The following ST8SIA2 variants were observed in gnomAD, a reference collection of about 807,000 sequenced individuals.
ST8SIA2 encodes the protein ST8 alpha-N-acetyl-neuraminide alpha-2,8-sialyltransferase 2.
Under a neutral mutation model 37.6 loss-of-function variants are expected in ST8SIA2, and 22 were observed. The observed-to-expected ratio is 0.58, with a 90% CI of 0.42 to 0.83. ST8SIA2 has a LOEUF of 0.83. Ranked by LOEUF, ST8SIA2 falls within the 40% of genes least tolerant of loss-of-function variation. ST8SIA2 has a pLI of 0.00. For missense variants in ST8SIA2, 382 were observed against 484.7 expected, an observed-to-expected ratio of 0.79 and a Z score of 1.99; for synonymous variants, 205 against 201.2, an observed-to-expected ratio of 1.02 and a Z score of -0.16.
At chr15:92,427,487 A>C (rs1008354335) in intron 1 of ST8SIA2, among the ~76,000 whole-genome samples, 7 of 152,172 alleles carry the variant, frequency 4.6e-5, no homozygotes, top group African/African-American at 1.7e-4. Flanking sequence ...GGGTTTGTTG[A>C]GGTTTGCTTT....
At chr15:92,454,938 G>A (rs550689372) in intron 5 of ST8SIA2, among the ~76,000 whole-genome samples, 1 of 152,214 alleles carries the variant, frequency 6.6e-6, no homozygotes, top group African/African-American at 2.4e-5. Context: ...AAGCAGCCCT[G>A]GGTGCAGACA....
rs113169860 is a variant in ST8SIA2, at chr15:92,442,340, C to A, written c.549-2296C>A. ...GCCTGCCTGCAAGGAGCTCACAGCC[C>A]CTGTTCCCATTACCCACAGCATCTT... On this transcript the variant is annotated intron_variant, in intron 4 of 5. Coordinates refer to ENST00000268164, the MANE Select transcript of ST8SIA2 (RefSeq NM_006011.4). Among the ~76,000 whole-genome samples the A allele has an allele frequency of 9.0e-3, 1,367 of 152,316 alleles. 22 individuals carry two copies. Among genetic ancestry groups the A allele is most frequent in the African/African-American group, 0.031 (1,297 of 41,570 alleles).
chr15:92,412,410 T>C (rs2049556342), intron 1 of ST8SIA2, among the ~76,000 whole-genome samples: 1 of 151,502 alleles, frequency 6.6e-6, no homozygotes, highest in Non-Finnish European at 1.5e-5. Context: ...CCTGGAAACA[T>C]GGTAAATTTT....
chr15:92,414,021 G>C (rs1234936778), intron 1 of ST8SIA2, among the ~76,000 whole-genome samples: 1 of 152,174 alleles, frequency 6.6e-6, no homozygotes, highest in Admixed American at 6.5e-5. Context: ...CTGATACTCA[G>C]GGCAATGGGA....
At chr15:92,463,769 G>C (rs2049972513) in intron 5 of ST8SIA2, among the ~76,000 whole-genome samples, 1 of 152,240 alleles carries the variant, frequency 6.6e-6, no homozygotes, top group African/African-American at 2.4e-5. Context: ...ACGGGCCTGA[G>C]TTCAAGTCAA....
chr15:92,454,319 CCT>C lies in ST8SIA2; in HGVS notation c.842+9393_842+9394del, dbSNP rs527800162. Among the ~76,000 whole-genome samples, 233 of 152,186 alleles carry C rather than the reference CCT, an allele frequency of 1.5e-3. 1 individual carries two copies. The highest frequency in any genetic ancestry group is 2.0e-3 in the Non-Finnish European group (133 of 68,012). On this transcript the variant is annotated intron_variant, in intron 5 of 5. Transcript: ENST00000268164. Reference sequence around the variant, plus strand: ...CCTGTATGCCTGTTTCCAAATCCCCCCTCTTTGCAAGGACATCAGTCATATTG... The same window carrying C: ...CCTGTATGCCTGTTTCCAAATCCCCCCTTTGCAAGGACATCAGTCATATTG...
chr15:92,409,154 A>T (rs1374825679), intron 1 of ST8SIA2, among the ~76,000 whole-genome samples: 1 of 152,196 alleles, frequency 6.6e-6, no homozygotes, highest in African/African-American at 2.4e-5. Context: ...AAGCCAAAGG[A>T]CTGGAGGGAT....
chr15:92,396,579 C>T (rs144340027), intron 1 of ST8SIA2, among the ~76,000 whole-genome samples: 135 of 151,980 alleles, frequency 8.9e-4, no homozygotes, highest in Admixed American at 2.7e-3. Flanking sequence ...CTGCAACCTC[C>T]GCCTCCCGGG....
chr15:92,438,869 A>G (rs2049780238), intron 4 of ST8SIA2, among the ~76,000 whole-genome samples: 1 of 152,194 alleles, frequency 6.6e-6, no homozygotes, highest in African/African-American at 2.4e-5. Flanking sequence ...AGCCCAGGTC[A>G]TTCTGATTTA....
At chr15:92,446,682 A>T (rs1478323360) in intron 5 of ST8SIA2, among the ~76,000 whole-genome samples, 1 of 152,232 alleles carries the variant, frequency 6.6e-6, no homozygotes, top group Non-Finnish European at 1.5e-5. Context: ...ATACTTTTAA[A>T]TGGTGCTATC....
intron 1 of ST8SIA2, 53 bp downstream of exon 1, chr15:92,394,215 CCTT>C: frequency 7.0e-7 from 1 of 1,429,916 alleles, no homozygotes; most frequent in Non-Finnish European, 9.6e-7. Flanking sequence ...ATCTCTCCCT[CCTT>C]CTGTACTCTC....
chr15:92,444,286 G>A (rs2049824495), intron 4 of ST8SIA2, among the ~76,000 whole-genome samples: 1 of 152,142 alleles, frequency 6.6e-6, no homozygotes, highest in Admixed American at 6.5e-5. Flanking sequence ...CCCTCACTCT[G>A]TCACCTAATG....
At position 92,445,138 on chromosome 15, in the gene ST8SIA2, ACCAATGGGTAGTGCCTGCCTAGGGAAC is replaced by A; in HGVS notation, c.842+210_842+236del. 5.8e-6 allele frequency: 4 copies of A among 690,696 alleles called. No homozygotes were observed. The South Asian group carries it at 7.1e-5, about 12-fold the overall frequency. 42.8% of individuals were successfully genotyped at this position (690,696 alleles called of 1,614,324 possible). On this transcript the variant is annotated intron_variant, in intron 5 of 5. Coordinates refer to ENST00000268164, the MANE Select transcript of ST8SIA2 (RefSeq NM_006011.4). ...GGTTTCATCTGGCATGCCAATTTTGACCAATGGGTAGTGCCTGCCTAGGGAACTGAGTTGAGAATGATCTTGGGGGTG... is the reference window on the plus strand; with the variant it reads ...GGTTTCATCTGGCATGCCAATTTTGATGAGTTGAGAATGATCTTGGGGGTG...
chr15:92,452,938 G>A lies in ST8SIA2; in HGVS notation c.842+8009G>A, dbSNP rs3784728. Among the ~76,000 whole-genome samples the A allele has an allele frequency of 9.7e-3, 1,469 of 152,182 alleles. 16 individuals are homozygous for A. The highest frequency in any genetic ancestry group is 0.045 in the East Asian group (231 of 5,170). ...GGGAAAATTCAACCCGTAACAGCTG[G>A]GTTAGATGGCCTCCCTTCCCACGCT... On this transcript the variant is annotated intron_variant, in intron 5 of 5. Coordinates refer to ENST00000268164, the MANE Select transcript of ST8SIA2 (RefSeq NM_006011.4).
intron 1 of ST8SIA2, among the ~76,000 whole-genome samples, chr15:92,423,748 C>T (rs1596237083): frequency 6.6e-6 from 1 of 152,254 alleles, no homozygotes; most frequent in East Asian, 1.9e-4. Flanking sequence ...TGCCATTAGG[C>T]CCCACCTCCT....
At position 92,464,371 on chromosome 15, in the gene ST8SIA2, G is replaced by A. The variant is rs533314466; in HGVS notation, c.1114G>A (p.Asp372Asn). The A allele has an allele frequency of 1.1e-4, 180 of 1,613,748 alleles. 1 individual carries two copies. The South Asian group carries it at 1.7e-3, about 15-fold the overall frequency. ...GALKLTVGQC[D>N]GAT is the part of the protein sequence containing the mutation. ...TTTGAAACTGACTGTCGGCCAGTGC[G>A]ATGGGGCCACGTAGGGTGGGCACCC... is the stretch of plus-strand genomic sequence containing the variant. Residue 372 changes from aspartate to asparagine, a missense_variant, in exon 6 of 6, where the codon GAT becomes AAT. Physicochemically the swap from Asp to Asn is conservative, Grantham distance 23 (BLOSUM62 1). Transcript: ENST00000268164.
At chr15:92,404,515 T>C (rs745378902) in intron 1 of ST8SIA2, among the ~76,000 whole-genome samples, 8 of 151,996 alleles carry the variant, frequency 5.3e-5, no homozygotes, top group Non-Finnish European at 8.8e-5. Flanking sequence ...CTTCTGGGTG[T>C]ATATTCAAAA....
At chr15:92,430,176 T>C in intron 2 of ST8SIA2, 65 bp downstream of exon 2, 1 of 1,493,050 alleles carries the variant, frequency 6.7e-7, no homozygotes, top group East Asian at 2.3e-5. Flanking sequence ...CTGCTTCTCT[T>C]CTTTGCTGGA....
chr15:92,438,294 G>T (rs765944331), intron 3 of ST8SIA2, 59 bp from the exon 4 acceptor site: 38 of 1,614,032 alleles, frequency 2.4e-5, no homozygotes, highest in Middle Eastern at 1.6e-4. Flanking sequence ...GAAAAGCTGG[G>T]CTGGCAAAGG....
Sources: allele counts gnomAD v4.1 joint callset (sites outside exome capture counted in the v4.1 genomes callset), GRCh38; gene constraint gnomAD v4.1.1; transcripts MANE v1.5; gene names NCBI Gene and HGNC (gene_info 2026-07-23, HGNC 2026-07-21).